Variants in HMHB1 observed in about 807,000 individuals in gnomAD.
HMHB1 encodes minor histocompatibility protein HB-1.
HMHB1 carries 4 observed loss-of-function variants against 2.4 expected under a neutral mutation model. That is an observed-to-expected ratio of 1.65 (90% CI 0.81 to 3.77). HMHB1 has a LOEUF of 3.77. Ranked by LOEUF, HMHB1 falls within the 30% of genes most tolerant of loss-of-function variation. The pLI is 0.01. For missense variants in HMHB1, 57 were observed against 44.2 expected, an observed-to-expected ratio of 1.29 and a Z score of -0.82; for synonymous variants, 22 against 17.6, an observed-to-expected ratio of 1.25 and a Z score of -0.63.
In HMHB1 at chr5:143,820,495, G is replaced by A; in HGVS notation, c.53G>A (p.Trp18Ter). 1 of 1,610,716 alleles carries A rather than the reference G, an allele frequency of 6.2e-7. No homozygotes were observed. Among genetic ancestry groups the A allele is most frequent in the Non-Finnish European group, 8.5e-7 (1 of 1,177,144 alleles). The change falls in exon 2 of 2, where the codon TGG becomes TAG. Residue 18 changes from tryptophan to a stop codon, truncating the protein, a stop_gained. Coordinates refer to ENST00000289448, the MANE Select transcript of HMHB1 (RefSeq NM_021182.3). LOFTEE classifies it low-confidence loss of function (END_TRUNC). ...TTTTCTATAGGTTCTCTGCATGTTT[G>A]GAAGTCGGAATTGGTTGAAGTTGAA...
chr5:143,815,199 AT>A (rs1372492648), intron 1 of HMHB1, among the ~76,000 whole-genome samples: 8 of 152,220 alleles, frequency 5.3e-5, no homozygotes, highest in South Asian at 4.1e-4. Context: ...GCTATACTGA[AT>A]TACCACAAAT....
intron 1 of HMHB1, 23 bp from the exon 2 acceptor site, chr5:143,820,457 A>AGC (rs1759801338): frequency 6.8e-7 from 1 of 1,460,558 alleles, no homozygotes; most frequent in Non-Finnish European, 9.6e-7. Context: ...CTCAAGTCTC[A>AGC]GCTAAGCCAT....
At chr5:143,820,318 TAAAAAAAAAAA>T (rs60960654) in intron 1 of HMHB1, among the ~76,000 whole-genome samples, 151 bp from the exon 2 acceptor site, 1,382 of 47,654 alleles carry the variant, frequency 0.029, 22 homozygotes, top group Admixed American at 0.12. Context: ...TCATCATAAG[TAAAAAAAAAAA>T]AAAAAAAAAA....
At chr5:143,818,475 C>T (rs1480101435) in intron 1 of HMHB1, among the ~76,000 whole-genome samples, 1 of 152,140 alleles carries the variant, frequency 6.6e-6, no homozygotes, top group Admixed American at 6.5e-5. Flanking sequence ...ATTATATTTA[C>T]CCAAGGCCTA....
At chr5:143,815,452 A>G (rs1561936992) in intron 1 of HMHB1, among the ~76,000 whole-genome samples, 2 of 152,122 alleles carry the variant, frequency 1.3e-5, no homozygotes, top group Non-Finnish European at 2.9e-5. Context: ...TTTTCAAAGT[A>G]ATGTATCCCT....
chr5:143,820,690 G>T lies in HMHB1; in HGVS notation c.*122G>T. On this transcript the variant is annotated 3_prime_UTR_variant, in exon 2 of 2. Transcript: ENST00000289448. Reference sequence around the variant, plus strand: ...AACATATGCCCTTTGCCTCTGCTCTGCACAGTGAAATGAAAAGTCAACCTT... The same window carrying T: ...AACATATGCCCTTTGCCTCTGCTCTTCACAGTGAAATGAAAAGTCAACCTT... The T allele has an allele frequency of 3.4e-6, 2 of 590,152 alleles. No homozygotes were observed. Among genetic ancestry groups the T allele is most frequent in the Non-Finnish European group, 3.1e-6 (1 of 322,864 alleles). 36.6% of individuals were successfully genotyped at this position (590,152 alleles called of 1,614,324 possible).
chr5:143,820,712 C>A lies in HMHB1; in HGVS notation c.*144C>A. 1.9e-6 allele frequency: 1 copy of A among 513,574 alleles called. No individual in the cohort carries two copies. 31.8% of individuals were successfully genotyped at this position (513,574 alleles called of 1,614,324 possible). ...TCTGCACAGTGAAATGAAAAGTCAA[C>A]CTTTGAACATGTGTGTGTGTCTCTC... On this transcript the variant is annotated 3_prime_UTR_variant, in exon 2 of 2. Transcript: ENST00000289448.
Position 143,812,231 on chromosome 5 carries a change from TCA to T in HMHB1, c.-34_-33del, listed in dbSNP as rs762070277. ...CGGGCAGGCCCTGAGCCTTCTGACC[TCA>T]CATCCTCTGCCACACCACAGTGGAG... On this transcript the variant is annotated 5_prime_UTR_variant, in exon 1 of 2. Transcript: ENST00000289448. 61 of 1,550,468 alleles carry T rather than the reference TCA, an allele frequency of 3.9e-5. No individual in the cohort carries two copies. The highest frequency in any genetic ancestry group is 4.9e-5 in the Non-Finnish European group (56 of 1,146,298).
chr5:143,816,453 T>C (rs1241600438), intron 1 of HMHB1, among the ~76,000 whole-genome samples: 1 of 152,208 alleles, frequency 6.6e-6, no homozygotes, highest in Non-Finnish European at 1.5e-5. Context: ...GAATATATGA[T>C]ATTTGGTTTT....
chr5:143,812,526 T>C (rs371280957), intron 1 of HMHB1, among the ~76,000 whole-genome samples: 4 of 152,248 alleles, frequency 2.6e-5, no homozygotes, highest in East Asian at 3.9e-4. Flanking sequence ...ATTGCCTGGC[T>C]GCCTGCAGCT....
At chr5:143,813,558 C>T (rs1759715610) in intron 1 of HMHB1, among the ~76,000 whole-genome samples, 1 of 152,166 alleles carries the variant, frequency 6.6e-6, no homozygotes, top group Non-Finnish European at 1.5e-5. Flanking sequence ...TTGTTGGGGC[C>T]AGCATAAGTC....
Position 143,812,245 on chromosome 5 carries a change from A to G in HMHB1, c.-23A>G. The G allele has an allele frequency of 6.4e-7, 1 of 1,551,584 alleles. No individual in the cohort carries two copies. Among genetic ancestry groups the G allele is most frequent in the South Asian group, 1.2e-5 (1 of 84,038 alleles). On this transcript the variant is annotated 5_prime_UTR_variant, in exon 1 of 2. Transcript: ENST00000289448. ...GCCTTCTGACCTCACATCCTCTGCC[A>G]CACCACAGTGGAGAAACCAGAACTG...
intron 1 of HMHB1, among the ~76,000 whole-genome samples, chr5:143,812,789 G>A (rs1759706859): frequency 6.6e-6 from 1 of 152,120 alleles, no homozygotes; most frequent in South Asian, 2.1e-4. Flanking sequence ...TTAGGATCAT[G>A]TGCCGGGGGC....
At chr5:143,814,086 C>T (rs73291468) in intron 1 of HMHB1, among the ~76,000 whole-genome samples, 5,096 of 152,172 alleles carry the variant, frequency 0.033, 198 homozygotes, top group African/African-American at 0.079. Context: ...CTCATCTATC[C>T]TTGTCTTTTT....
At chr5:143,820,250 T>C (rs1759792484) in intron 1 of HMHB1, among the ~76,000 whole-genome samples, 1 of 142,062 alleles carries the variant, frequency 7.0e-6, no homozygotes, top group Non-Finnish European at 1.5e-5. Flanking sequence ...TTCTAATGAA[T>C]GTAAGCTTAT....
chr5:143,814,060 A>G (rs1018844512), intron 1 of HMHB1, among the ~76,000 whole-genome samples: 1 of 152,234 alleles, frequency 6.6e-6, no homozygotes, highest in Non-Finnish European at 1.5e-5. Flanking sequence ...TGAAGATAAA[A>G]ATGTTCTATA....
At chr5:143,820,207 G>A (rs1444824384) in intron 1 of HMHB1, among the ~76,000 whole-genome samples, 1 of 150,344 alleles carries the variant, frequency 6.7e-6, no homozygotes, top group African/African-American at 2.4e-5. Flanking sequence ...AAAACCACTG[G>A]TTTTCGTGGG....
chr5:143,820,647 G>GTAAA lies in HMHB1; in HGVS notation c.*80_*83dup. The stretch of plus-strand genomic sequence containing the variant: ...GACAAATTGCTGAGCATGAAGAAGA[G>GTAAA]TAAAATTAAGCAAGTGGAACATATG... On this transcript the variant is annotated 3_prime_UTR_variant, in exon 2 of 2. Transcript: ENST00000289448. 1.1e-6 allele frequency: 1 copy of GTAAA among 895,896 alleles called. No homozygotes were observed. 55.5% of individuals were successfully genotyped at this position (895,896 alleles called of 1,614,324 possible).
intron 1 of HMHB1, among the ~76,000 whole-genome samples, chr5:143,813,193 G>C (rs1379299177): frequency 6.6e-6 from 1 of 152,134 alleles, no homozygotes; most frequent in Non-Finnish European, 1.5e-5. Flanking sequence ...TGCACAGGTA[G>C]CCCACAGAAT....
Sources: allele counts gnomAD v4.1 joint callset (sites outside exome capture counted in the v4.1 genomes callset), GRCh38; gene constraint gnomAD v4.1.1; transcripts MANE v1.5; gene names NCBI Gene and HGNC (gene_info 2026-07-23, HGNC 2026-07-21).